The following GRIN2B variants were observed in gnomAD, a reference collection of about 807,000 sequenced individuals.
GRIN2B encodes the protein glutamate ionotropic receptor NMDA type subunit 2B.
In GRIN2B, 5 loss-of-function variants were observed where a neutral mutation model predicts 114.5. The ratio of observed to expected loss-of-function variants is 0.04; its 90% CI spans 0.02 to 0.09. The LOEUF is 0.09. Ranked by LOEUF, GRIN2B falls within the 10% of genes least tolerant of loss-of-function variation. The pLI is 1.00. For missense variants in GRIN2B, 1,108 were observed against 1,943.5 expected (o/e 0.57, Z 8.08); for synonymous variants, 787 against 745.1 (o/e 1.06, Z -0.92).
chr12:13,797,776 A>C (rs1319656302), intron 3 of GRIN2B, among the ~76,000 whole-genome samples: 1 of 152,194 alleles, frequency 6.6e-6, no homozygotes, highest in Non-Finnish European at 1.5e-5. Flanking sequence ...TTATCCTTAG[A>C]AATCTTATAA....
intron 3 of GRIN2B, among the ~76,000 whole-genome samples, chr12:13,825,947 T>C (rs967533402): frequency 6.6e-6 from 1 of 152,204 alleles, no homozygotes; most frequent in African/African-American, 2.4e-5. Context: ...AGGCCATTTA[T>C]ATTTAATATT....
intron 3 of GRIN2B, among the ~76,000 whole-genome samples, chr12:13,794,223 AG>A (rs1431148990): frequency 8.8e-5 from 13 of 147,456 alleles, no homozygotes; most frequent in Admixed American, 2.0e-4. Flanking sequence ...AAAAAAAAAA[AG>A]AAAAAGAAAA....
intron 2 of GRIN2B, among the ~76,000 whole-genome samples, chr12:13,948,951 C>T (rs1348713889): frequency 6.6e-6 from 1 of 152,178 alleles, no homozygotes; most frequent in Non-Finnish European, 1.5e-5. Flanking sequence ...TCTGAAAGAA[C>T]TAAGTTCTTG....
intron 10 of GRIN2B, among the ~76,000 whole-genome samples, chr12:13,594,227 A>G (rs1308588483): frequency 6.6e-6 from 1 of 152,328 alleles, no homozygotes; most frequent in African/African-American, 2.4e-5. Context: ...ATGCACACCT[A>G]TGTTTATTGT....
At chr12:13,595,980 G>C (rs1380999551) in intron 10 of GRIN2B, among the ~76,000 whole-genome samples, 6 of 151,870 alleles carry the variant, frequency 4.0e-5, no homozygotes, top group Admixed American at 3.9e-4. Context: ...TCATGTAAAG[G>C]CATGTGAGTT....
intron 5 of GRIN2B, among the ~76,000 whole-genome samples, chr12:13,651,777 G>A (rs771328978): frequency 6.6e-6 from 1 of 152,076 alleles, no homozygotes; most frequent in Non-Finnish European, 1.5e-5. Flanking sequence ...TGGTCTATGC[G>A]AAATGTCCAT....
At chr12:13,724,710 C>T (rs1383346201) in intron 4 of GRIN2B, among the ~76,000 whole-genome samples, 1 of 152,084 alleles carries the variant, frequency 6.6e-6, no homozygotes, top group Admixed American at 6.6e-5. Flanking sequence ...AGGGTTTCAG[C>T]TCAATATGGC....
At chr12:13,571,995 CGGGAGATGGA>C (rs1565457968) in intron 10 of GRIN2B, 31 bp from the exon 11 acceptor site, 1 of 1,552,714 alleles carries the variant, frequency 6.4e-7, no homozygotes, top group South Asian at 1.1e-5. Context: ...AGAGACAGAG[CGGGAGATGGA>C]GGGAGAGAGA....
chr12:13,750,670 G>A (rs1198670785), intron 4 of GRIN2B, among the ~76,000 whole-genome samples: 1 of 152,156 alleles, frequency 6.6e-6, no homozygotes, highest in Non-Finnish European at 1.5e-5. Flanking sequence ...TGAATCAACA[G>A]TACATTTTTC....
intron 4 of GRIN2B, among the ~76,000 whole-genome samples, chr12:13,724,613 G>A (rs1862947661): frequency 2.0e-5 from 3 of 152,100 alleles, no homozygotes. Flanking sequence ...ATGTGAGACT[G>A]AAAATTGATT....
In GRIN2B at chr12:13,679,583, C is replaced by A. The variant is rs542322705; in HGVS notation, c.1011-3724G>T. 9.9e-5 allele frequency among the ~76,000 whole-genome samples: 15 copies of A among 152,250 alleles called. No homozygotes were observed. The East Asian group carries it at 2.3e-3, about 24-fold the overall frequency. On this transcript the variant is annotated intron_variant, in intron 4 of 13. Coordinates refer to ENST00000609686, the MANE Select transcript of GRIN2B (RefSeq NM_000834.5). ...ATTTTATGACAATATACAAAATATTCTTCTCCAAAGTATCCTTTCATCATT... is the reference window on the plus strand; with the variant it reads ...ATTTTATGACAATATACAAAATATTATTCTCCAAAGTATCCTTTCATCATT...
chr12:13,569,821 T>C lies in GRIN2B; in HGVS notation c.2359+9A>G, dbSNP rs1948684678. ...GGACAAATGGGCACTTTCCCTTTCTTGAACTCACCATCTCCAAAGAGCTGC... is the reference window on the plus strand; with the variant it reads ...GGACAAATGGGCACTTTCCCTTTCTCGAACTCACCATCTCCAAAGAGCTGC... On this transcript the variant is annotated intron_variant, in intron 12 of 13. Coordinates refer to ENST00000609686, the MANE Select transcript of GRIN2B (RefSeq NM_000834.5). The C allele has an allele frequency of 6.3e-7, 1 of 1,575,170 alleles. No homozygotes were observed. Among genetic ancestry groups the C allele is most frequent in the South Asian group, 1.1e-5 (1 of 87,310 alleles).
chr12:13,959,578 AAACCATGCGGAGGGAG>A (rs1159501044), intron 2 of GRIN2B, among the ~76,000 whole-genome samples: 5 of 152,064 alleles, frequency 3.3e-5, no homozygotes, highest in Non-Finnish European at 4.4e-5. Flanking sequence ...GGATCCAAGG[AAACCATGCGGAGGGAG>A]AACCGGCTGA....
chr12:13,738,013 C>T (rs965712825), intron 4 of GRIN2B, among the ~76,000 whole-genome samples: 1 of 152,158 alleles, frequency 6.6e-6, no homozygotes, highest in Non-Finnish European at 1.5e-5. Flanking sequence ...CACAAAAATG[C>T]CACACATTAC....
intron 5 of GRIN2B, among the ~76,000 whole-genome samples, chr12:13,649,116 A>G (rs2216214): frequency 0.96 from 146,413 of 152,098 alleles, 70,696 homozygotes; most frequent in East Asian, 1. Context: ...ATTTGGAGGG[A>G]ATATTACTGA....
At chr12:13,856,881 G>C (rs1865670923) in intron 3 of GRIN2B, among the ~76,000 whole-genome samples, 1 of 151,936 alleles carries the variant, frequency 6.6e-6, no homozygotes, top group Non-Finnish European at 1.5e-5. Context: ...CTACCTCCAG[G>C]CCCAAATCCA....
chr12:13,977,208 C>T (rs1863036718), intron 2 of GRIN2B: 1 of 152,186 alleles, frequency 6.6e-6, no homozygotes, highest in East Asian at 1.9e-4. Flanking sequence ...TGCCTGCGTC[C>T]ATCCCTGGCA....
chr12:13,674,699 A>G (rs541634965), intron 5 of GRIN2B, among the ~76,000 whole-genome samples: 1 of 152,268 alleles, frequency 6.6e-6, no homozygotes, highest in Non-Finnish European at 1.5e-5. Flanking sequence ...TGGTCCATGG[A>G]ATCTGTGGAA....
At position 13,611,869 on chromosome 12, in the gene GRIN2B, C is replaced by G. The variant is rs914928286; in HGVS notation, c.1655-19G>C. On this transcript the variant is annotated intron_variant, in intron 8 of 13. Coordinates refer to ENST00000609686, the MANE Select transcript of GRIN2B (RefSeq NM_000834.5). ...AATGGCTCTGAGGAAGGGAAAAAAG[C>G]AGTGCTCAGGGTTAGAACAGAGAGC... The G allele has an allele frequency of 6.2e-7, 1 of 1,612,442 alleles. No homozygotes were observed. Among genetic ancestry groups the G allele is most frequent in the African/African-American group, 1.3e-5 (1 of 75,002 alleles).
Sources: gnomAD v4.1 joint callset for allele counts (sites outside exome capture counted in the v4.1 genomes callset) on GRCh38, gnomAD v4.1.1 for gene constraint, MANE v1.5 for transcripts, NCBI Gene and HGNC (gene_info 2026-07-23, HGNC 2026-07-21) for gene names.